The following TRAPPC9 variants were observed in gnomAD, a reference collection of about 807,000 sequenced individuals.
The protein encoded by TRAPPC9 is trafficking protein particle complex subunit 9.
In TRAPPC9, 83 loss-of-function variants were observed where a neutral mutation model predicts 124.0. The observed-to-expected ratio is 0.67, with a 90% CI of 0.56 to 0.80. The LOEUF (loss-of-function observed/expected upper bound fraction) is 0.80, where lower values mean the gene tolerates loss of function less well. TRAPPC9 is among the 30% of genes least tolerant of loss of function. The pLI is 0.00. For missense variants in TRAPPC9, 1,302 were observed against 1,508.3 expected (o/e 0.86, Z 2.27); for synonymous variants, 638 against 617.5 (o/e 1.03, Z -0.49).
At chr8:140,289,336 T>C (rs867296603) in intron 12 of TRAPPC9, among the ~76,000 whole-genome samples, 1 of 152,016 alleles carries the variant, frequency 6.6e-6, no homozygotes, top group South Asian at 2.1e-4. Context: ...AGCCAAGGTG[T>C]GAAATGATCT....
intron 9 of TRAPPC9, among the ~76,000 whole-genome samples, chr8:140,331,276 G>A (rs1252531642): frequency 2.0e-5 from 3 of 152,096 alleles, no homozygotes; most frequent in Non-Finnish European, 2.9e-5. Context: ...GTATGCAGAA[G>A]AATGAAACTA....
intron 11 of TRAPPC9, among the ~76,000 whole-genome samples, chr8:140,297,431 A>G (rs1479147145): frequency 6.6e-6 from 1 of 152,188 alleles, no homozygotes; most frequent in Admixed American, 6.5e-5. Flanking sequence ...ACGCATACAC[A>G]CACATACACA....
intron 17 of TRAPPC9, among the ~76,000 whole-genome samples, chr8:140,110,068 C>T (rs1451731257): frequency 1.3e-5 from 2 of 152,026 alleles, no homozygotes; most frequent in Non-Finnish European, 2.9e-5. Context: ...GCTCAGCCCA[C>T]GGGAGGCCCC....
chr8:140,425,027 T>C (rs1213712018), intron 5 of TRAPPC9, among the ~76,000 whole-genome samples: 1 of 152,208 alleles, frequency 6.6e-6, no homozygotes, highest in African/African-American at 2.4e-5. Context: ...AGAGAGGCTG[T>C]GAAGAATCAA....
chr8:140,068,220 T>C (rs1470895981), intron 17 of TRAPPC9, among the ~76,000 whole-genome samples: 1 of 152,066 alleles, frequency 6.6e-6, no homozygotes, highest in Non-Finnish European at 1.5e-5. Context: ...GTGGAAGGCT[T>C]CATGGAGGTG....
intron 17 of TRAPPC9, among the ~76,000 whole-genome samples, chr8:140,074,953 A>C (rs551541780): frequency 1.3e-5 from 2 of 152,186 alleles, no homozygotes; most frequent in East Asian, 3.9e-4. Context: ...TTGCTACCCA[A>C]TTTTTTTAGA....
intron 2 of TRAPPC9, among the ~76,000 whole-genome samples, chr8:140,441,228 G>T (rs1266617909): frequency 6.6e-6 from 1 of 151,646 alleles, no homozygotes; most frequent in African/African-American, 2.4e-5. Context: ...TGATCCTCTT[G>T]CCTCAGCCTC....
intron 21 of TRAPPC9, among the ~76,000 whole-genome samples, chr8:139,817,265 C>G (rs888633534): frequency 2.6e-5 from 4 of 152,214 alleles, no homozygotes; most frequent in African/African-American, 9.6e-5. Flanking sequence ...CTGGGGATAG[C>G]AGGTTCAGGC....
At chr8:140,019,920 C>T (rs563806884) in intron 18 of TRAPPC9, among the ~76,000 whole-genome samples, 41 of 152,268 alleles carry the variant, frequency 2.7e-4, no homozygotes, top group African/African-American at 8.9e-4. Flanking sequence ...GTGGCACGAT[C>T]GTAGGTCACT....
chr8:140,045,650 A>AC (rs35608299), intron 17 of TRAPPC9, among the ~76,000 whole-genome samples: 2,036 of 111,610 alleles, frequency 0.018, 212 homozygotes, highest in Middle Eastern at 0.041. Context: ...AAAAAAAAAA[A>AC]AAAAAAAAAC....
At chr8:140,340,062 G>A (rs1180522521) in intron 9 of TRAPPC9, among the ~76,000 whole-genome samples, 1 of 152,138 alleles carries the variant, frequency 6.6e-6, no homozygotes, top group Non-Finnish European at 1.5e-5. Context: ...GGCCACGCTG[G>A]TCTCGAACTC....
chr8:140,452,940 G>C (rs1484098595), intron 1 of TRAPPC9, among the ~76,000 whole-genome samples: 1 of 152,182 alleles, frequency 6.6e-6, no homozygotes, highest in Non-Finnish European at 1.5e-5. Context: ...ATACCTCAAG[G>C]TGTCAGCAAG....
At chr8:140,297,344 G>GCATAAACACACACA (rs1399745601) in intron 11 of TRAPPC9, among the ~76,000 whole-genome samples, 1 of 86,614 alleles carries the variant, frequency 1.2e-5, no homozygotes, top group Middle Eastern at 7.0e-3. Flanking sequence ...ACACACACAT[G>GCATAAACACACACA]CATAGACACA....
intron 17 of TRAPPC9, among the ~76,000 whole-genome samples, chr8:140,065,664 T>G (rs1191943472): frequency 6.6e-6 from 1 of 152,248 alleles, no homozygotes; most frequent in Non-Finnish European, 1.5e-5. Context: ...TGACAGCGCA[T>G]CTGTTTATAG....
At chr8:139,879,840 G>T (rs192901591) in intron 21 of TRAPPC9, among the ~76,000 whole-genome samples, 124 of 152,344 alleles carry the variant, frequency 8.1e-4, no homozygotes, top group African/African-American at 2.9e-3. Context: ...TCCCTGCAAG[G>T]TGGGTGAGTC....
At chr8:140,167,997 T>A (rs144728135) in intron 17 of TRAPPC9, among the ~76,000 whole-genome samples, 13 of 152,332 alleles carry the variant, frequency 8.5e-5, no homozygotes, top group Middle Eastern at 6.8e-3. Context: ...AGCAACTGTA[T>A]GAAATGTGGC....
intron 16 of TRAPPC9, among the ~76,000 whole-genome samples, chr8:140,224,461 C>A (rs1338406685): frequency 6.6e-6 from 1 of 152,146 alleles, no homozygotes; most frequent in African/African-American, 2.4e-5. Flanking sequence ...CTTTGACATA[C>A]TCAAAGGACT....
Position 139,809,287 on chromosome 8 carries a change from T to G in TRAPPC9, c.3055+76592A>C, listed in dbSNP as rs146258111. On this transcript the variant is annotated intron_variant, in intron 21 of 22. Transcript: ENST00000438773. ...GGCAGATGCAGCAGTCTGCCCTGAG[T>G]GCATCAGCAACACTGACTAAGTGAG... Among the ~76,000 whole-genome samples, 3 of 152,104 alleles carry G rather than the reference T, an allele frequency of 2.0e-5. No individual in the cohort carries two copies. In the East Asian group the frequency reaches 5.8e-4, roughly 29 times the overall value.
intron 10 of TRAPPC9, among the ~76,000 whole-genome samples, chr8:140,306,179 A>G (rs2066125625): frequency 6.6e-6 from 1 of 152,174 alleles, no homozygotes; most frequent in South Asian, 2.1e-4. Context: ...CTTTGACAAG[A>G]AAAAGAAAAG....
Sources: allele counts gnomAD v4.1 joint callset (sites outside exome capture counted in the v4.1 genomes callset), GRCh38; gene constraint gnomAD v4.1.1; transcripts MANE v1.5; gene names NCBI Gene and HGNC (gene_info 2026-07-23, HGNC 2026-07-21).